Variants in ESPL1 observed in about 807,000 individuals in gnomAD.
ESPL1 encodes the protein separin.
In ESPL1, 50 loss-of-function variants were observed where a neutral mutation model predicts 217.2. That is an observed-to-expected ratio of 0.23 (90% CI 0.18 to 0.29). The LOEUF (loss-of-function observed/expected upper bound fraction) is 0.29. Among genes scored for constraint, ESPL1 ranks in the 10% least tolerant of loss-of-function variants. The pLI, the probability that ESPL1 is intolerant of heterozygous loss-of-function variation, is 1.00. For synonymous variants in ESPL1, 994 were observed against 1,081.3 expected (o/e 0.92, Z 1.58); for missense variants, 1,834 against 2,603.0 (o/e 0.70, Z 6.43).
In ESPL1 at chr12:53,283,544, T is replaced by C. The variant is rs762772185; in HGVS notation, c.3077+6T>C. ...AAGCTGCAGATACCACGCCAGTAAGTACAGGGCCAGAGGATATGGCAATGA... is the reference window on the plus strand; with the variant it reads ...AAGCTGCAGATACCACGCCAGTAAGCACAGGGCCAGAGGATATGGCAATGA... On this transcript the variant is annotated splice_donor_region_variant and intron_variant, in intron 16 of 30. Coordinates refer to ENST00000257934, the MANE Select transcript of ESPL1 (RefSeq NM_012291.5). 5.0e-6 allele frequency: 8 copies of C among 1,613,394 alleles called. No homozygotes were observed. Among genetic ancestry groups the C allele is most frequent in the Non-Finnish European group, 6.8e-6 (8 of 1,179,726 alleles).
chr12:53,276,681 G>T lies in ESPL1; in HGVS notation c.1762G>T (p.Glu588Ter). ...PETLALLLRE[E>*]LQAYKAVRAD... ...GACCCTGGCCCTCCTGCTGAGGGAG[G>T]AGCTGCAGGCCTACAAGGCGGTGCG... The change falls in exon 8 of 31, where the codon GAG becomes TAG. Residue 588 changes from glutamate (E) to a stop codon, truncating the protein, a stop_gained. Transcript: ENST00000257934. LOFTEE classifies it high-confidence loss of function. The T allele has an allele frequency of 1.2e-6, 2 of 1,613,378 alleles. No homozygotes were observed. The highest frequency in any genetic ancestry group is 1.7e-6 in the Non-Finnish European group (2 of 1,180,008).
Position 53,285,670 on chromosome 12 carries a change from C to T in ESPL1, c.3188-254C>T, listed in dbSNP as rs968732817. On this transcript the variant is annotated intron_variant, in intron 17 of 30. Transcript: ENST00000257934. ...CTTGCAGTGAGCTGAGATTGTGCCACTGCACTCCAGCCTGGGCGACAGAGA... is the reference window on the plus strand; with the variant it reads ...CTTGCAGTGAGCTGAGATTGTGCCATTGCACTCCAGCCTGGGCGACAGAGA... Among the ~76,000 whole-genome samples the T allele has an allele frequency of 3.6e-4, 55 of 151,046 alleles. 3 individuals are homozygous for T.
intron 25 of ESPL1, 81 bp from the exon 26 acceptor site, chr12:53,291,609 A>G (rs1379208595): frequency 7.0e-7 from 1 of 1,434,116 alleles, no homozygotes; most frequent in East Asian, 2.3e-5. Flanking sequence ...GAAAACAGGG[A>G]AAGGGAAGAA....
Position 53,293,372 on chromosome 12 carries a change from C to T in ESPL1, c.6261C>T (p.Ala2087=). The T allele has an allele frequency of 6.2e-7, 1 of 1,614,130 alleles. No individual in the cohort carries two copies. Among genetic ancestry groups the T allele is most frequent in the South Asian group, 1.1e-5 (1 of 91,084 alleles). The change falls in exon 31 of 31, where the codon GCC becomes GCT. Residue 2087 remains alanine (A), a synonymous_variant. Transcript: ENST00000257934. This position sits in a 1 kb window ranked among gnomAD's most constrained non-coding sequence, Gnocchi z 4.2. ...LQGWLGAGPG[A]PLLYYVNQAR... ...GCTGGCTTGGAGCAGGCCCAGGGGC[C>T]CCCCTTCTCTACTATGTAAACCAGG...
intron 17 of ESPL1, among the ~76,000 whole-genome samples, chr12:53,284,881 G>A (rs549661298): frequency 4.6e-5 from 7 of 151,154 alleles, no homozygotes; most frequent in African/African-American, 1.7e-4. Context: ...GCATGGTGGC[G>A]GGCACCTGTA....
rs1320835885 is a variant in ESPL1, at chr12:53,288,318, C to T, written c.4523C>T (p.Ser1508Phe). The change falls in exon 19 of 31, where the codon TCT (serine) becomes TTT (phenylalanine). Residue 1508 changes from serine to phenylalanine, a missense_variant. Physicochemically the swap from Ser to Phe is radical, Grantham distance 155. This residue lies in a region of ESPL1 where 681 missense variants were observed against 808.0 expected (regional missense o/e 0.84). Coordinates refer to ENST00000257934, the MANE Select transcript of ESPL1 (RefSeq NM_012291.5). ...RKMSFEILRG[S>F]DGEDSASGGK... The stretch of plus-strand genomic sequence containing the variant: ...ATGAGCTTTGAGATCCTCAGGGGCT[C>T]TGACGGGGAAGACTCAGCCTCAGGT... 1 of 1,601,390 alleles carries T rather than the reference C, an allele frequency of 6.2e-7. No homozygotes were observed. Among genetic ancestry groups the T allele is most frequent in the Non-Finnish European group, 8.5e-7 (1 of 1,174,490 alleles).
At chr12:53,279,465 T>C (rs926639429) in intron 11 of ESPL1, among the ~76,000 whole-genome samples, 3 of 152,184 alleles carry the variant, frequency 2.0e-5, no homozygotes, top group Admixed American at 6.5e-5. Flanking sequence ...AGACTTGTTA[T>C]GAAGGTTAAA....
At position 53,285,455 on chromosome 12, in the gene ESPL1, A is replaced by C. The variant is rs189036007; in HGVS notation, c.3188-469A>C. On this transcript the variant is annotated intron_variant, in intron 17 of 30. Transcript: ENST00000257934. ...ATTTGATCCATTGTTGGTTGGAAAG[A>C]AAACAAAAATTTTACCTCCAAGGCG... Among the ~76,000 whole-genome samples the C allele has an allele frequency of 3.1e-3, 478 of 152,254 alleles. 2 individuals are homozygous for C. The highest frequency in any genetic ancestry group is 0.011 in the African/African-American group (458 of 41,554).
chr12:53,278,597 C>CT (rs111602446), intron 11 of ESPL1, among the ~76,000 whole-genome samples: 45 of 144,428 alleles, frequency 3.1e-4, no homozygotes, highest in East Asian at 1.0e-3. Flanking sequence ...TGTGTGCCTT[C>CT]TTTTTTTTTT....
In ESPL1 at chr12:53,292,905, G is replaced by A. The variant is rs778209168; in HGVS notation, c.6096G>A (p.Ala2032=). Residue 2032 remains alanine (A), a synonymous_variant, in exon 30 of 31, where the codon GCG becomes GCA. Transcript: ENST00000257934. The surrounding 1 kb of genome is among the most constrained non-coding windows in gnomAD (Gnocchi z 4.5). ...CCCTGCTGTTTGGCTGTAGCAGTGC[G>A]GCCCTGGCTGTGCGTGGAAACCTGG... ...AVALLFGCSS[A]ALAVRGNLEG... 1.4e-5 allele frequency: 22 copies of A among 1,613,738 alleles called. No homozygotes were observed. Among genetic ancestry groups the A allele is most frequent in the African/African-American group, 2.7e-5 (2 of 74,922 alleles).
rs1274468494 is a variant in ESPL1 at position 53,269,735 on chromosome 12, A to G, written c.793A>G (p.Ser265Gly). 6.2e-7 allele frequency: 1 copy of G among 1,614,134 alleles called. No individual in the cohort carries two copies. ...GGAACACTGCCGTCGCTTTTGCTGG[A>G]GCCGCCACCATGACAAAGCCATCAG... is the stretch of plus-strand genomic sequence containing the variant. ...TLEHCRRFCW[S>G]RHHDKAISAV... The change falls in exon 3 of 31, where the codon AGC (serine) becomes GGC (glycine). Residue 265 changes from serine (S) to glycine (G), a missense_variant. Ser to Gly is a moderately conservative substitution (Grantham distance 56). Around this residue, in one of 5 missense-constraint regions of ESPL1, gnomAD observed 746 missense variants for 1,077.0 expected, o/e 0.69. Coordinates refer to ENST00000257934, the MANE Select transcript of ESPL1 (RefSeq NM_012291.5). The surrounding 1 kb of genome is among the most constrained non-coding windows in gnomAD (Gnocchi z 6.7).
intron 16 of ESPL1, 30 bp from the exon 17 acceptor site, chr12:53,284,028 T>C: frequency 6.8e-7 from 1 of 1,472,942 alleles, no homozygotes; most frequent in South Asian, 1.1e-5. Context: ...AGGATTCCTC[T>C]GATTGGTTCT....
At chr12:53,272,600 TC>T in intron 5 of ESPL1, 120 bp from the exon 6 acceptor site, 2 of 1,142,638 alleles carry the variant, frequency 1.8e-6, no homozygotes, top group Non-Finnish European at 2.5e-6. Flanking sequence ...CAGTAGGGGT[TC>T]CTGTCTGATC....
chr12:53,283,731 C>T (rs1485001528), intron 16 of ESPL1, among the ~76,000 whole-genome samples, 193 bp downstream of exon 16: 1 of 152,174 alleles, frequency 6.6e-6, no homozygotes, highest in Non-Finnish European at 1.5e-5. Flanking sequence ...GTAGGACTCT[C>T]GTGTCCTTCA....
Position 53,292,428 on chromosome 12 carries a change from AG to A in ESPL1, c.5912+38del. On this transcript the variant is annotated intron_variant, in intron 28 of 30. Transcript: ENST00000257934. The surrounding 1 kb of genome is among the most constrained non-coding windows in gnomAD (Gnocchi z 4.5). The stretch of plus-strand genomic sequence containing the variant: ...GCGAAGACAAGAAGACGTGTGGGGA[AG>A]GGTAGACAACATACAGGGGCAACAA... 6.6e-7 allele frequency: 1 copy of A among 1,509,980 alleles called. No individual in the cohort carries two copies. The highest frequency in any genetic ancestry group is 9.2e-7 in the Non-Finnish European group (1 of 1,085,164). The allele number at this position is 1,509,980 out of a possible 1,614,324, so 93.5% of individuals were successfully genotyped here. A position where few individuals can be genotyped will look rare whatever the true frequency, so the allele number is the denominator to read the frequency against.
At chr12:53,272,427 C>G (rs1368715786) in intron 5 of ESPL1, among the ~76,000 whole-genome samples, 1 of 151,986 alleles carries the variant, frequency 6.6e-6, no homozygotes, top group Non-Finnish European at 1.5e-5. Flanking sequence ...AGGGAGTCAG[C>G]CATGTGGGTT....
chr12:53,272,284 G>A (rs913140472), intron 5 of ESPL1, among the ~76,000 whole-genome samples: 5 of 152,130 alleles, frequency 3.3e-5, no homozygotes, highest in African/African-American at 1.2e-4. Flanking sequence ...TGGGGGAAAG[G>A]AAAAGTAGAG....
Position 53,292,780 on chromosome 12 carries a change from ACT to A in ESPL1, c.5997-24_5997-23del. Reference sequence around the variant, plus strand: ...AGAGGCCAGGTATTACTAGCTCAAGACTCATCTCACCTCCTTCTGCCTTAGCT... The same window carrying A: ...AGAGGCCAGGTATTACTAGCTCAAGACATCTCACCTCCTTCTGCCTTAGCT... On this transcript the variant is annotated intron_variant, in intron 29 of 30. Coordinates refer to ENST00000257934, the MANE Select transcript of ESPL1 (RefSeq NM_012291.5). This position sits in a 1 kb window ranked among gnomAD's most constrained non-coding sequence, Gnocchi z 4.5. 6.2e-7 allele frequency: 1 copy of A among 1,606,744 alleles called. No individual in the cohort carries two copies. The highest frequency in any genetic ancestry group is 8.5e-7 in the Non-Finnish European group (1 of 1,179,394).
chr12:53,282,301 G>A lies in ESPL1; in HGVS notation c.2657G>A (p.Arg886Gln), dbSNP rs767784534. The A allele has an allele frequency of 9.3e-6, 15 of 1,613,858 alleles. No homozygotes were observed. Among genetic ancestry groups the A allele is most frequent in the Admixed American group, 5.0e-5 (3 of 59,954 alleles). The change falls in exon 14 of 31, where the codon CGG becomes CAG. Residue 886 changes from arginine (R) to glutamine (Q), a missense_variant. Arg to Gln is a conservative substitution (Grantham distance 43). This residue lies in a region of ESPL1 where 746 missense variants were observed against 1,077.0 expected (regional missense o/e 0.69). Coordinates refer to ENST00000257934, the MANE Select transcript of ESPL1 (RefSeq NM_012291.5). This position sits in a 1 kb window ranked among gnomAD's most constrained non-coding sequence, Gnocchi z 4.0. ...KGVSLLLSVL[R>Q]DPALQKSSKA... ...GTCTCTCTGCTGCTGTCTGTGCTTCGGGATCCTGCCCTCCAGAAGTCCTCC... is the reference window on the plus strand; with the variant it reads ...GTCTCTCTGCTGCTGTCTGTGCTTCAGGATCCTGCCCTCCAGAAGTCCTCC...
Sources: gnomAD v4.1 joint callset for allele counts (sites outside exome capture counted in the v4.1 genomes callset) on GRCh38, gnomAD v4.1.1 for gene constraint, gnomAD v4.1.1 regional missense constraint, Gnocchi (gnomAD v3.1) non-coding constraint, MANE v1.5 for transcripts, NCBI Gene and HGNC (gene_info 2026-07-23, HGNC 2026-07-21) for gene names.